The following TAFA5 variants were observed in gnomAD, a reference collection of about 807,000 sequenced individuals.
TAFA5 encodes chemokine-like protein TAFA-5.
TAFA5 carries 6 observed loss-of-function variants against 15.3 expected under a neutral mutation model. That is an observed-to-expected ratio of 0.39 (90% CI 0.21 to 0.77). The LOEUF is 0.77. TAFA5 is among the 30% of genes least tolerant of loss of function. The probability of loss-of-function intolerance (pLI) is 0.41; values close to 1 mark genes in which losing one functional copy is unlikely to be tolerated. For synonymous variants in TAFA5, 103 were observed against 80.7 expected (o/e 1.28, Z -1.48); for missense variants, 161 against 193.1 (o/e 0.83, Z 0.98).
At chr22:48,724,873 C>T (rs985687839) in intron 3 of TAFA5, among the ~76,000 whole-genome samples, 1 of 152,204 alleles carries the variant, frequency 6.6e-6, no homozygotes, top group Non-Finnish European at 1.5e-5. Context: ...TCCCAGCCTG[C>T]GGCATGGCAG....
intron 2 of TAFA5, among the ~76,000 whole-genome samples, chr22:48,707,177 GTA>G (rs1929105291): frequency 6.6e-6 from 1 of 152,058 alleles, no homozygotes; most frequent in African/African-American, 2.4e-5. Flanking sequence ...CGAGGCGGGA[GTA>G]GGATGGGGGC....
intron 2 of TAFA5, among the ~76,000 whole-genome samples, chr22:48,674,737 T>C (rs1419118036): frequency 6.6e-6 from 1 of 152,160 alleles, no homozygotes; most frequent in Non-Finnish European, 1.5e-5. Flanking sequence ...CCACCTTAGC[T>C]TGCCCGTTGG....
At chr22:48,684,929 G>A (rs1340909950) in intron 2 of TAFA5, among the ~76,000 whole-genome samples, 1 of 152,248 alleles carries the variant, frequency 6.6e-6, no homozygotes, top group Non-Finnish European at 1.5e-5. Context: ...AAATATTTAA[G>A]GAGGTTTATT....
Position 48,560,251 on chromosome 22 carries a change from C to A in TAFA5, c.112+70547C>A, listed in dbSNP as rs549389821. Among the ~76,000 whole-genome samples the A allele has an allele frequency of 6.6e-6, 1 of 152,238 alleles. No homozygotes were observed. Among genetic ancestry groups the A allele is most frequent in the Non-Finnish European group, 1.5e-5 (1 of 68,038 alleles). On this transcript the variant is annotated intron_variant, in intron 1 of 3. Transcript: ENST00000402357. This position sits in a 1 kb window ranked among gnomAD's most constrained non-coding sequence, Gnocchi z 4.2. ...GGCTGAGGCGTCTGTCCCTGTCGTG[C>A]GCCCAGGCTGGTGCCGTCAGGCTCC...
chr22:48,600,941 C>G (rs1049070641), intron 1 of TAFA5, among the ~76,000 whole-genome samples: 1 of 152,050 alleles, frequency 6.6e-6, no homozygotes, highest in Non-Finnish European at 1.5e-5. Context: ...ACGTCATTCC[C>G]CCGGCTCCCT....
chr22:48,657,504 G>A lies in TAFA5; in HGVS notation c.262+10758G>A, dbSNP rs531903323. On this transcript the variant is annotated intron_variant, in intron 2 of 3. Coordinates refer to ENST00000402357, the MANE Select transcript of TAFA5 (RefSeq NM_001082967.3). ...AGCTCTTCCAAAAAATAGAAGAATA[G>A]GGGCCACTTCTTAACTCACTCTATG... Among the ~76,000 whole-genome samples, 8 of 152,284 alleles carry A rather than the reference G, an allele frequency of 5.3e-5. No individual in the cohort carries two copies. The South Asian group carries it at 1.7e-3, about 32-fold the overall frequency.
At chr22:48,575,517 G>C (rs1290068113) in intron 1 of TAFA5, among the ~76,000 whole-genome samples, 3 of 146,122 alleles carry the variant, frequency 2.1e-5, no homozygotes, top group South Asian at 4.2e-4. Flanking sequence ...GCGGGCGGGC[G>C]CGCGCCTCCA....
chr22:48,583,629 C>A (rs960607771), intron 1 of TAFA5, among the ~76,000 whole-genome samples: 1 of 3,748 alleles, frequency 2.7e-4, no homozygotes, highest in Admixed American at 2.9e-3. Context: ...CGAAATACAC[C>A]ATACACAAAC....
intron 3 of TAFA5, among the ~76,000 whole-genome samples, chr22:48,734,030 G>A (rs1929940920): frequency 2.6e-5 from 4 of 152,148 alleles, no homozygotes; most frequent in African/African-American, 9.6e-5. Context: ...AGTCCACTCT[G>A]CATATGCAAA....
chr22:48,655,843 T>TTG (rs1927222361), intron 2 of TAFA5, among the ~76,000 whole-genome samples: 2 of 136,298 alleles, frequency 1.5e-5, no homozygotes, highest in Non-Finnish European at 3.1e-5. Flanking sequence ...TTTTTTTTTT[T>TTG]TTTTTTTTTT....
At chr22:48,583,492 C>G (rs1214375166) in intron 1 of TAFA5, among the ~76,000 whole-genome samples, 1 of 145,366 alleles carries the variant, frequency 6.9e-6, no homozygotes, top group African/African-American at 2.5e-5. Flanking sequence ...AAATACACCA[C>G]ACACCACACA....
chr22:48,738,709 G>A (rs1930099816), intron 3 of TAFA5, among the ~76,000 whole-genome samples: 1 of 152,192 alleles, frequency 6.6e-6, no homozygotes, highest in South Asian at 2.1e-4. Flanking sequence ...ACATTCCCCG[G>A]GCAGGGTGTG....
At chr22:48,628,557 T>TCC (rs1201030884) in intron 1 of TAFA5, among the ~76,000 whole-genome samples, 5 of 152,186 alleles carry the variant, frequency 3.3e-5, no homozygotes, top group Non-Finnish European at 7.3e-5. Context: ...ACGGGTTTGC[T>TCC]CCCTGTGCAG....
intron 1 of TAFA5, among the ~76,000 whole-genome samples, chr22:48,632,254 G>A (rs941708106): frequency 6.6e-6 from 1 of 152,138 alleles, no homozygotes; most frequent in African/African-American, 2.4e-5. Context: ...CCTGCCTGGT[G>A]TGGGTTGAGG....
intron 2 of TAFA5, among the ~76,000 whole-genome samples, chr22:48,704,827 C>T (rs1308608125): frequency 6.6e-6 from 1 of 152,068 alleles, no homozygotes; most frequent in Non-Finnish European, 1.5e-5. Flanking sequence ...TTAAACAACA[C>T]ACGTTTATTT....
At chr22:48,646,499 G>T in intron 1 of TAFA5, 98 bp from the exon 2 acceptor site, 1 of 1,465,766 alleles carries the variant, frequency 6.8e-7, no homozygotes, top group East Asian at 2.3e-5. Flanking sequence ...CTGTGGCCTG[G>T]CTGCTGGGGG....
At chr22:48,662,274 C>T (rs1478490230) in intron 2 of TAFA5, among the ~76,000 whole-genome samples, 1 of 152,056 alleles carries the variant, frequency 6.6e-6, no homozygotes, top group Non-Finnish European at 1.5e-5. Context: ...GGTCCCTGGG[C>T]AGGGGCTCTG....
intron 1 of TAFA5, among the ~76,000 whole-genome samples, chr22:48,644,449 G>A (rs1926793532): frequency 1.3e-5 from 2 of 152,234 alleles, no homozygotes; most frequent in South Asian, 4.1e-4. Context: ...TGCACCATGG[G>A]CAGAAGGAGC....
At chr22:48,613,699 T>A (rs2147175715) in intron 1 of TAFA5, among the ~76,000 whole-genome samples, 1 of 152,346 alleles carries the variant, frequency 6.6e-6, no homozygotes, top group South Asian at 2.1e-4. Flanking sequence ...TGCTCTGGCC[T>A]TTCCCCGGCT....
Sources: gnomAD v4.1 joint callset for allele counts (sites outside exome capture counted in the v4.1 genomes callset) on GRCh38, gnomAD v4.1.1 for gene constraint, Gnocchi (gnomAD v3.1) non-coding constraint, MANE v1.5 for transcripts, NCBI Gene and HGNC (gene_info 2026-07-23, HGNC 2026-07-21) for gene names.